NXPH1: variants seen among roughly 807,000 people sequenced by gnomAD.
NXPH1 encodes neurexophilin 1.
In NXPH1, 5 loss-of-function variants were observed where a neutral mutation model predicts 23.7. The observed-to-expected ratio is 0.21, with a 90% CI of 0.11 to 0.44. The LOEUF (loss-of-function observed/expected upper bound fraction) is 0.44. Among genes scored for constraint, NXPH1 ranks in the 20% least tolerant of loss-of-function variants. The pLI is 0.99. For synonymous variants in NXPH1, 144 were observed against 122.2 expected (o/e 1.18, Z -1.18); for missense variants, 324 against 321.6 (o/e 1.01, Z -0.06).
At chr7:8,702,085 A>G (rs904693210) in intron 2 of NXPH1, among the ~76,000 whole-genome samples, 1 of 151,034 alleles carries the variant, frequency 6.6e-6, no homozygotes, top group Non-Finnish European at 1.5e-5. Context: ...TGTCTGTGTT[A>G]TGTTGATTTA....
rs944278934 is a variant in NXPH1 at position 8,735,782 on chromosome 7, G to C, written c.55-15226G>C. 3.9e-5 allele frequency among the ~76,000 whole-genome samples: 6 copies of C among 152,042 alleles called. No individual in the cohort carries two copies. The East Asian group carries it at 7.7e-4, about 20-fold the overall frequency. ...ATCTGGTTCTGGGCTTTTTTTGGTT[G>C]GTAGGCTGTTAATTACGCCTTAATT... is the stretch of plus-strand genomic sequence containing the variant. On this transcript the variant is annotated intron_variant, in intron 2 of 2. Transcript: ENST00000405863.
chr7:8,534,581 G>A (rs1468335369), intron 2 of NXPH1, among the ~76,000 whole-genome samples: 2 of 151,786 alleles, frequency 1.3e-5, no homozygotes, highest in East Asian at 1.9e-4. Flanking sequence ...AGGGAGAGAT[G>A]TTATTGTAAG....
chr7:8,588,310 T>C (rs773766906), intron 2 of NXPH1, among the ~76,000 whole-genome samples: 8 of 152,166 alleles, frequency 5.3e-5, no homozygotes, highest in Non-Finnish European at 5.9e-5. Flanking sequence ...TTTTTTAACA[T>C]GTTAAATACA....
At chr7:8,520,212 T>A (rs571077432) in intron 2 of NXPH1, among the ~76,000 whole-genome samples, 1 of 152,180 alleles carries the variant, frequency 6.6e-6, no homozygotes, top group Non-Finnish European at 1.5e-5. Flanking sequence ...ATTGCCGCTA[T>A]CCATCCTCTC....
intron 2 of NXPH1, among the ~76,000 whole-genome samples, chr7:8,672,525 A>AG (rs1412274075): frequency 2.0e-5 from 3 of 151,974 alleles, no homozygotes; most frequent in East Asian, 1.9e-4. Flanking sequence ...TGAAACCCCT[A>AG]GGGGAAAAAA....
intron 2 of NXPH1, among the ~76,000 whole-genome samples, chr7:8,461,693 G>C (rs969935505): frequency 6.6e-6 from 1 of 150,648 alleles, no homozygotes; most frequent in African/African-American, 2.4e-5. Context: ...AGCCGGGCGC[G>C]GTGGCGGGCG....
At chr7:8,489,378 G>C (rs1389450380) in intron 2 of NXPH1, among the ~76,000 whole-genome samples, 1 of 152,046 alleles carries the variant, frequency 6.6e-6, no homozygotes, top group African/African-American at 2.4e-5. Context: ...AGGGGATCAA[G>C]CTACTAACCA....
At chr7:8,606,130 C>A (rs1048663269) in intron 2 of NXPH1, among the ~76,000 whole-genome samples, 1 of 152,038 alleles carries the variant, frequency 6.6e-6, no homozygotes, top group Non-Finnish European at 1.5e-5. Flanking sequence ...ACAAGTTGAC[C>A]TTTTCAGGTA....
At chr7:8,701,256 C>T (rs1779619503) in intron 2 of NXPH1, among the ~76,000 whole-genome samples, 1 of 152,044 alleles carries the variant, frequency 6.6e-6, no homozygotes. Flanking sequence ...ATCTCATGAG[C>T]ATTAATAAAT....
At chr7:8,470,575 T>C (rs1289587399) in intron 2 of NXPH1, among the ~76,000 whole-genome samples, 2 of 152,106 alleles carry the variant, frequency 1.3e-5, no homozygotes, top group Non-Finnish European at 2.9e-5. Flanking sequence ...CAGGAAAAGG[T>C]AGACCTGGTG....
chr7:8,740,588 G>T (rs1249917123), intron 2 of NXPH1, among the ~76,000 whole-genome samples: 1 of 152,136 alleles, frequency 6.6e-6, no homozygotes, highest in Non-Finnish European at 1.5e-5. Context: ...GAGCCTACTG[G>T]GTTAAGAGAG....
intron 2 of NXPH1, among the ~76,000 whole-genome samples, chr7:8,679,217 G>T (rs1386806361): frequency 6.6e-6 from 1 of 152,004 alleles, no homozygotes; most frequent in Non-Finnish European, 1.5e-5. Flanking sequence ...AAAGTGCTGA[G>T]ATTACAGGTG....
At chr7:8,513,409 AC>A (rs937067057) in intron 2 of NXPH1, among the ~76,000 whole-genome samples, 16 of 152,276 alleles carry the variant, frequency 1.1e-4, no homozygotes, top group African/African-American at 3.8e-4. Flanking sequence ...TTGTGAGGCT[AC>A]ATGTAGTTTC....
At chr7:8,727,299 C>T (rs1482509445) in intron 2 of NXPH1, among the ~76,000 whole-genome samples, 1 of 132,270 alleles carries the variant, frequency 7.6e-6, no homozygotes, top group East Asian at 2.2e-4. Flanking sequence ...CCTATTCACT[C>T]TGATGGTAGT....
At chr7:8,599,098 C>T (rs1326757592) in intron 2 of NXPH1, among the ~76,000 whole-genome samples, 1 of 152,046 alleles carries the variant, frequency 6.6e-6, no homozygotes, top group African/African-American at 2.4e-5. Context: ...AAACAGTTAA[C>T]TCAAATACAA....
chr7:8,665,440 A>G (rs1820745096), intron 2 of NXPH1, among the ~76,000 whole-genome samples: 1 of 152,044 alleles, frequency 6.6e-6, no homozygotes, highest in South Asian at 2.1e-4. Context: ...TTTTAAAGAC[A>G]GATAGTGTGA....
intron 2 of NXPH1, among the ~76,000 whole-genome samples, chr7:8,603,065 G>A (rs1819398632): frequency 6.6e-6 from 1 of 151,962 alleles, no homozygotes; most frequent in African/African-American, 2.4e-5. Context: ...CCTGCCTGGG[G>A]CTCCCAAAGT....
chr7:8,512,817 G>T (rs77598835), intron 2 of NXPH1, among the ~76,000 whole-genome samples: 1,725 of 152,206 alleles, frequency 0.011, 16 homozygotes, highest in Middle Eastern at 0.024. Context: ...GCGTTTCCAT[G>T]TTGAACAGAA....
chr7:8,491,077 C>T (rs1480713125), intron 2 of NXPH1, among the ~76,000 whole-genome samples: 4 of 151,838 alleles, frequency 2.6e-5, no homozygotes, highest in East Asian at 1.9e-4. Context: ...GCCTAATGTT[C>T]ACCAGTTGCC....
Sources: gnomAD v4.1 joint callset for allele counts (sites outside exome capture counted in the v4.1 genomes callset) on GRCh38, gnomAD v4.1.1 for gene constraint, MANE v1.5 for transcripts, NCBI Gene and HGNC (gene_info 2026-07-23, HGNC 2026-07-21) for gene names.